The following NXNL2 variants were observed in gnomAD, a reference collection of about 807,000 sequenced individuals.
The protein encoded by NXNL2 is nucleoredoxin-like protein 2.
NXNL2 carries 7 observed loss-of-function variants against 11.1 expected under a neutral mutation model. The observed-to-expected ratio is 0.63, with a 90% CI of 0.36 to 1.18. The LOEUF is 1.18. NXNL2 is among the 50% of genes most tolerant of loss of function. The pLI, the probability that NXNL2 is intolerant of heterozygous loss-of-function variation, is 0.02. For missense variants in NXNL2, 233 were observed against 217.7 expected (o/e 1.07, Z -0.44); for synonymous variants, 109 against 101.8 (o/e 1.07, Z -0.42).
intron 1 of NXNL2, among the ~76,000 whole-genome samples, chr9:88,561,214 G>A (rs1321369845): frequency 6.6e-6 from 1 of 152,104 alleles, no homozygotes; most frequent in East Asian, 1.9e-4. Flanking sequence ...TGAAGAGATG[G>A]AACGGGCCTA....
chr9:88,552,974 G>A (rs1829962242), intron 1 of NXNL2, among the ~76,000 whole-genome samples: 2 of 152,048 alleles, frequency 1.3e-5, no homozygotes, highest in African/African-American at 4.8e-5. Context: ...TTTAAACTAG[G>A]GGCAGCTAGC....
At chr9:88,551,340 T>C (rs1045546081) in intron 1 of NXNL2, among the ~76,000 whole-genome samples, 2 of 152,204 alleles carry the variant, frequency 1.3e-5, no homozygotes, top group South Asian at 2.1e-4. Context: ...AACATCCTTA[T>C]ATTTTTCTCT....
chr9:88,549,476 A>G (rs116949755), downstream of NXNL2, among the ~76,000 whole-genome samples: 786 of 152,256 alleles, frequency 5.2e-3, 37 homozygotes, highest in East Asian at 0.11. Context: ...CCTCCATTCT[A>G]TATGTACTCA....
At chr9:88,552,049 A>G (rs1205012259) in intron 1 of NXNL2, among the ~76,000 whole-genome samples, 1 of 152,116 alleles carries the variant, frequency 6.6e-6, no homozygotes, top group African/African-American at 2.4e-5. Context: ...ACTCTTCCTT[A>G]TAGGTGCCTG....
chr9:88,551,812 C>T (rs1358807344), intron 1 of NXNL2, among the ~76,000 whole-genome samples: 3 of 152,232 alleles, frequency 2.0e-5, no homozygotes, highest in Non-Finnish European at 4.4e-5. Context: ...AAAGCATCCT[C>T]TTATCTCCTA....
intron 2 of NXNL2, chr9:88,575,033 G>A: frequency 2.1e-6 from 1 of 482,522 alleles, no homozygotes; most frequent in Non-Finnish European, 2.7e-6. Context: ...CTTAAGAGGA[G>A]GTCATTAAAA....
At chr9:88,572,791 A>G (rs534297864) in intron 2 of NXNL2, among the ~76,000 whole-genome samples, 3 of 152,128 alleles carry the variant, frequency 2.0e-5, no homozygotes, top group East Asian at 1.9e-4. Flanking sequence ...CACCCTGGAT[A>G]TTGTTCTTTA....
downstream of NXNL2, among the ~76,000 whole-genome samples, chr9:88,578,408 A>G (rs74610944): frequency 6.6e-3 from 1,008 of 152,368 alleles, 11 homozygotes; most frequent in African/African-American, 0.023. Flanking sequence ...GATACAAGCA[A>G]TGCAGAAAAA....
chr9:88,577,310 G>A (rs1038316398), downstream of NXNL2, among the ~76,000 whole-genome samples: 2 of 151,720 alleles, frequency 1.3e-5, no homozygotes, highest in African/African-American at 4.9e-5. Context: ...CGGGGGGGGC[G>A]GCATGAGACC....
chr9:88,555,284 CAA>C (rs1156255336), intron 1 of NXNL2, among the ~76,000 whole-genome samples: 1 of 152,168 alleles, frequency 6.6e-6, no homozygotes, highest in East Asian at 1.9e-4. Context: ...ATATGCTAAA[CAA>C]AGTGTGGATT....
At position 88,540,075 on chromosome 9, in the gene NXNL2, G is replaced by A. The variant is rs577211189; in HGVS notation, c.303-4304G>A. 4.9e-4 allele frequency among the ~76,000 whole-genome samples: 75 copies of A among 151,706 alleles called. 1 individual carries two copies. The highest frequency in any genetic ancestry group is 1.7e-3 in the African/African-American group (72 of 41,442). On this transcript the variant is annotated intron_variant, in intron 1 of 1. Coordinates refer to ENST00000375854, the MANE Select transcript of NXNL2 (RefSeq NM_001161625.2). Reference sequence around the variant, plus strand: ...CGGCCGGGCGTGGTGGCTCACGCCTGTAATCCCAGCACTTTGGGAGGCCGA... The same window carrying A: ...CGGCCGGGCGTGGTGGCTCACGCCTATAATCCCAGCACTTTGGGAGGCCGA...
intron 1 of NXNL2, among the ~76,000 whole-genome samples, chr9:88,543,461 T>C (rs1011133895): frequency 2.0e-5 from 3 of 152,120 alleles, no homozygotes; most frequent in Admixed American, 6.5e-5. Context: ...AGACAAGGTC[T>C]CACTATGTTG....
intron 1 of NXNL2, among the ~76,000 whole-genome samples, chr9:88,570,871 T>G (rs954849421): frequency 6.8e-6 from 1 of 147,992 alleles, no homozygotes; most frequent in African/African-American, 2.5e-5. Flanking sequence ...GCCTCCTGAG[T>G]AGCTGGGATT....
At chr9:88,540,289 A>G (rs1829724235) in intron 1 of NXNL2, among the ~76,000 whole-genome samples, 1 of 151,278 alleles carries the variant, frequency 6.6e-6, no homozygotes, top group African/African-American at 2.4e-5. Flanking sequence ...CCGAGATTGT[A>G]CCACTGCACT....
At chr9:88,551,613 GCA>G in intron 1 of NXNL2, among the ~76,000 whole-genome samples, 1 of 152,058 alleles carries the variant, frequency 6.6e-6, no homozygotes, top group East Asian at 1.9e-4. Flanking sequence ...TCTTCTTTCT[GCA>G]CAGTTTCTGT....
chr9:88,548,564 T>C (rs527848598), downstream of NXNL2, among the ~76,000 whole-genome samples: 2 of 150,322 alleles, frequency 1.3e-5, no homozygotes, highest in Non-Finnish European at 2.9e-5. Flanking sequence ...GGCATGCATC[T>C]GTAGTCCCAG....
chr9:88,538,910 A>T (rs1829689373), intron 1 of NXNL2, among the ~76,000 whole-genome samples: 1 of 152,192 alleles, frequency 6.6e-6, no homozygotes, highest in Non-Finnish European at 1.5e-5. Context: ...CAGGAGGTTA[A>T]CTAGCCTGCC....
intron 1 of NXNL2, among the ~76,000 whole-genome samples, chr9:88,541,628 T>C (rs899791286): frequency 6.6e-6 from 1 of 152,184 alleles, no homozygotes; most frequent in Non-Finnish European, 1.5e-5. Flanking sequence ...GGTCACCCCA[T>C]GTTGGTTTTT....
At chr9:88,583,838 G>A (rs559400468) in intron 1 of NXNL2, among the ~76,000 whole-genome samples, 3 of 152,200 alleles carry the variant, frequency 2.0e-5, no homozygotes, top group Non-Finnish European at 4.4e-5. Flanking sequence ...TCCACCATGT[G>A]AGAACACACT....
Sources: allele counts gnomAD v4.1 joint callset (sites outside exome capture counted in the v4.1 genomes callset), GRCh38; gene constraint gnomAD v4.1.1; transcripts MANE v1.5; gene names NCBI Gene and HGNC (gene_info 2026-07-23, HGNC 2026-07-21).